The following TNC variants were observed in gnomAD, a reference collection of about 807,000 sequenced individuals.
TNC encodes tenascin.
TNC carries 109 observed loss-of-function variants against 202.4 expected under a neutral mutation model. The observed-to-expected ratio is 0.54, with a 90% CI of 0.46 to 0.63. The LOEUF (loss-of-function observed/expected upper bound fraction) is 0.63, where lower values mean the gene tolerates loss of function less well. Ranked by LOEUF, TNC falls within the 30% of genes least tolerant of loss-of-function variation. TNC has a pLI of 0.00. For synonymous variants in TNC, 1,007 were observed against 1,089.7 expected, an observed-to-expected ratio of 0.92 and a Z score of 1.50; for missense variants, 2,756 against 2,833.3, an observed-to-expected ratio of 0.97 and a Z score of 0.62.
Position 115,059,823 on chromosome 9 carries a change from G to A in TNC, c.4213C>T (p.Pro1405Ser), listed in dbSNP as rs1317910565. The change falls in exon 14 of 28, where the codon CCG becomes TCG. Residue 1405 changes from proline to serine, a missense_variant. By Grantham distance (74) the Pro-to-Ser change is moderately conservative (BLOSUM62 -1). Coordinates refer to ENST00000350763, the MANE Select transcript of TNC (RefSeq NM_002160.4). ...TAAGGCGTGGCAGCCTCGAGGCCCGGGATGTCCACAGCCCTGAGGCTGCCA... is the reference window on the plus strand; with the variant it reads ...TAAGGCGTGGCAGCCTCGAGGCCCGAGATGTCCACAGCCCTGAGGCTGCCA... ...LPGSLRAVDI[P>S]GLEAATPYRV... 5 of 1,614,084 alleles carry A rather than the reference G, an allele frequency of 3.1e-6. No individual in the cohort carries two copies. Among genetic ancestry groups the A allele is most frequent in the Non-Finnish European group, 4.2e-6 (5 of 1,180,012 alleles).
At chr9:115,115,644 C>T (rs567546831) in intron 1 of TNC, among the ~76,000 whole-genome samples, 2 of 152,260 alleles carry the variant, frequency 1.3e-5, no homozygotes, top group South Asian at 2.1e-4. Flanking sequence ...CTGTCTATTA[C>T]ACTATTTGTG....
chr9:115,106,988 A>G (rs1330521372), intron 1 of TNC, among the ~76,000 whole-genome samples: 1 of 152,208 alleles, frequency 6.6e-6, no homozygotes. Context: ...AAGATGAATC[A>G]TACAAATGAA....
chr9:115,066,731 A>G (rs1832985071), intron 10 of TNC, among the ~76,000 whole-genome samples: 1 of 152,226 alleles, frequency 6.6e-6, no homozygotes, highest in South Asian at 2.1e-4. Context: ...AAATAAATCC[A>G]AAGAAGAATA....
intron 1 of TNC, among the ~76,000 whole-genome samples, chr9:115,116,846 TG>T (rs1324553992): frequency 6.6e-6 from 1 of 152,068 alleles, no homozygotes; most frequent in Non-Finnish European, 1.5e-5. Context: ...GCCAGCCTAG[TG>T]AGACACCCTC....
rs1421059384 is a variant in TNC, at chr9:115,030,354, C to T, written c.5972G>A (p.Gly1991Glu). 1.2e-6 allele frequency: 2 copies of T among 1,613,666 alleles called. No individual in the cohort carries two copies. The highest frequency in any genetic ancestry group is 1.7e-6 in the Non-Finnish European group (2 of 1,179,774). Residue 1991 changes from glycine to glutamate, a missense_variant, in exon 24 of 28, where the codon GGA becomes GAA. Gly to Glu is a moderately conservative substitution (Grantham distance 98, BLOSUM62 -2). Transcript: ENST00000350763. The part of the protein sequence containing the change: ...PKDCSQAMLN[G>E]DTTSGLYTIY... The stretch of plus-strand genomic sequence containing the variant: ...GGTGTAGAGGCCAGAGGTCGTGTCT[C>T]CATTCAGCATTGCTTGGGAGCAGTC...
rs893624351 is a variant in TNC, at chr9:115,029,279, C to G, written c.6169+81G>C. On this transcript the variant is annotated intron_variant, in intron 25 of 27. Coordinates refer to ENST00000350763, the MANE Select transcript of TNC (RefSeq NM_002160.4). ...TCTTCTTCCTCATCTCTTTCTCTCC[C>G]ATAGGTCCCTGTGGGTTAGGAAAAG... 3 of 1,246,922 alleles carry G rather than the reference C, an allele frequency of 2.4e-6. No homozygotes were observed. The Admixed American group carries it at 5.1e-5, about 21-fold the overall frequency. The allele number at this position is 1,246,922 out of a possible 1,614,324, so 77.2% of individuals were successfully genotyped here. A position where few individuals can be genotyped will look rare whatever the true frequency, so the allele number is the denominator to read the frequency against.
At chr9:115,078,254 C>T in intron 6 of TNC, 42 bp from the exon 7 acceptor site, 1 of 1,565,002 alleles carries the variant, frequency 6.4e-7, no homozygotes, top group Non-Finnish European at 8.7e-7. Flanking sequence ...AGGTTAGGGC[C>T]ATTGCCTGAG....
At position 115,048,368 on chromosome 9, in the gene TNC, T is replaced by C; in HGVS notation, c.4744A>G (p.Arg1582Gly). ...ATGAGGCCTCTAAGCTCCAGCTTCCTCTGGGTTCCTGAAAGTGTGAATTCC... is the reference window on the plus strand; with the variant it reads ...ATGAGGCCTCTAAGCTCCAGCTTCCCCTGGGTTCCTGAAAGTGTGAATTCC... The part of the protein sequence containing the change: ...PQEFTLSGTQ[R>G]KLELRGLITG... The change falls in exon 16 of 28, where the codon AGG becomes GGG. Residue 1582 changes from arginine (R) to glycine (G), a missense_variant. This residue lies in a region of TNC where 2,559 missense variants were observed against 2,546.0 expected (regional missense o/e 1.01). Transcript: ENST00000350763. 1 of 1,614,108 alleles carries C rather than the reference T, an allele frequency of 6.2e-7. No individual in the cohort carries two copies. The highest frequency in any genetic ancestry group is 8.5e-7 in the Non-Finnish European group (1 of 1,179,982).
chr9:115,038,193 C>A, intron 20 of TNC, 68 bp downstream of exon 20: 1 of 1,555,642 alleles, frequency 6.4e-7, no homozygotes, highest in Non-Finnish European at 8.7e-7. Context: ...GGGAGAAGAG[C>A]GAATGGGAAG....
At chr9:115,030,028 A>G (rs944490153) in intron 24 of TNC, among the ~76,000 whole-genome samples, 1 of 152,232 alleles carries the variant, frequency 6.6e-6, no homozygotes, top group Non-Finnish European at 1.5e-5. Flanking sequence ...GAGATAAACT[A>G]CAAGAAACTT....
At chr9:115,101,776 A>G (rs1836256987) in intron 1 of TNC, among the ~76,000 whole-genome samples, 1 of 152,152 alleles carries the variant, frequency 6.6e-6, no homozygotes, top group African/African-American at 2.4e-5. Flanking sequence ...GTCTGGTATT[A>G]ATGCCAGCCT....
intron 15 of TNC, among the ~76,000 whole-genome samples, chr9:115,051,543 T>C (rs1303097030): frequency 1.3e-5 from 2 of 151,412 alleles, no homozygotes; most frequent in African/African-American, 2.4e-5. Flanking sequence ...TTTTCTTTTT[T>C]TTTTTTTTCT....
chr9:115,095,732 A>G (rs1193851659), intron 1 of TNC, among the ~76,000 whole-genome samples: 1 of 145,790 alleles, frequency 6.9e-6, no homozygotes, highest in Non-Finnish European at 1.5e-5. Context: ...ATATAATATA[A>G]TAGTTGCTCC....
At chr9:115,089,965 TACAC>T (rs1835092834) in intron 2 of TNC, among the ~76,000 whole-genome samples, 1 of 152,220 alleles carries the variant, frequency 6.6e-6, no homozygotes. Context: ...CAGTGCCTGT[TACAC>T]AGAGGGAGCT....
At chr9:115,087,981 G>A (rs1054695387) in intron 2 of TNC, among the ~76,000 whole-genome samples, 3 of 152,162 alleles carry the variant, frequency 2.0e-5, no homozygotes, top group Admixed American at 1.3e-4. Flanking sequence ...GGGATTACAG[G>A]TGTGAGCCAC....
intron 2 of TNC, among the ~76,000 whole-genome samples, chr9:115,089,699 C>T (rs1280630188): frequency 6.6e-6 from 1 of 152,192 alleles, no homozygotes; most frequent in East Asian, 1.9e-4. Flanking sequence ...GGGGTTTCAC[C>T]ATGTTGGCCA....
Position 115,086,343 on chromosome 9 carries a change from T to C in TNC, c.1388A>G (p.Tyr463Cys). 2 of 1,614,124 alleles carry C rather than the reference T, an allele frequency of 1.2e-6. No individual in the cohort carries two copies. The highest frequency in any genetic ancestry group is 1.1e-5 in the South Asian group (1 of 91,072). Residue 463 changes from tyrosine to cysteine, a missense_variant, in exon 3 of 28, where the codon TAT becomes TGT. By Grantham distance (194) the Tyr-to-Cys change is radical. Coordinates refer to ENST00000350763, the MANE Select transcript of TNC (RefSeq NM_002160.4). Reference protein sequence around the residue: ...KCVCEQGFKGYDCSDMSCPND... With the variant: ...KCVCEQGFKGCDCSDMSCPND... Reference sequence around the variant, plus strand: ...AGGGCAGCTCATGTCACTGCAGTCATAGCCCTTGAAGCCTTGCTCACATAC... The same window carrying C: ...AGGGCAGCTCATGTCACTGCAGTCACAGCCCTTGAAGCCTTGCTCACATAC...
Position 115,086,511 on chromosome 9 carries a change from T to G in TNC, c.1220A>C (p.Lys407Thr). The change falls in exon 3 of 28, where the codon AAG (lysine) becomes ACG (threonine). Residue 407 changes from lysine (K) to threonine (T), a missense_variant. Around this residue, in one of 2 missense-constraint regions of TNC, gnomAD observed 2,559 missense variants for 2,546.0 expected, o/e 1.01. Coordinates refer to ENST00000350763, the MANE Select transcript of TNC (RefSeq NM_002160.4). ...ATGGCCACTGCAGCCATTGGGACAC[T>G]TGAGCTCCCCACAGTCAGCTCCAGT... ...GFTGADCGEL[K>T]CPNGCSGHGR... The G allele has an allele frequency of 6.2e-7, 1 of 1,613,482 alleles. No homozygotes were observed. Among genetic ancestry groups the G allele is most frequent in the Non-Finnish European group, 8.5e-7 (1 of 1,179,922 alleles).
At chr9:115,102,554 C>T (rs1250085019) in intron 1 of TNC, among the ~76,000 whole-genome samples, 1 of 152,116 alleles carries the variant, frequency 6.6e-6, no homozygotes, top group African/African-American at 2.4e-5. Context: ...TATCAGGTAA[C>T]TTTGGCCTAA....
Sources: gnomAD v4.1 joint callset for allele counts (sites outside exome capture counted in the v4.1 genomes callset) on GRCh38, gnomAD v4.1.1 for gene constraint, gnomAD v4.1.1 regional missense constraint, MANE v1.5 for transcripts, NCBI Gene and HGNC (gene_info 2026-07-23, HGNC 2026-07-21) for gene names.